BBS9: variants seen among roughly 807,000 people sequenced by gnomAD.
The protein encoded by BBS9 is protein PTHB1.
BBS9 carries 89 observed loss-of-function variants against 117.7 expected under a neutral mutation model. That is an observed-to-expected ratio of 0.76 (90% CI 0.64 to 0.90). The LOEUF is 0.90. Among genes scored for constraint, BBS9 ranks in the 40% least tolerant of loss-of-function variants. The probability of loss-of-function intolerance (pLI) is 0.00; values close to 1 mark genes in which losing one functional copy is unlikely to be tolerated. For missense variants in BBS9, 982 were observed against 1,042.2 expected (o/e 0.94, Z 0.80); for synonymous variants, 379 against 370.9 (o/e 1.02, Z -0.25).
downstream of BBS9, among the ~76,000 whole-genome samples, chr7:33,607,154 T>C (rs148374039): frequency 1.4e-3 from 217 of 152,268 alleles, 1 homozygote; most frequent in Middle Eastern, 0.01. Context: ...TTGGATTCTT[T>C]TCGCTGCTTG....
At chr7:33,295,080 T>C (rs904403404) in intron 9 of BBS9, among the ~76,000 whole-genome samples, 1 of 152,166 alleles carries the variant, frequency 6.6e-6, no homozygotes, top group African/African-American at 2.4e-5. Flanking sequence ...ATTTAAAATA[T>C]GGTTCTAGAC....
At chr7:33,130,699 A>G (rs924782078) in intron 1 of BBS9, among the ~76,000 whole-genome samples, 4 of 152,148 alleles carry the variant, frequency 2.6e-5, no homozygotes, top group African/African-American at 9.7e-5. Context: ...AAAGAAAACA[A>G]TTACTGAGAT....
intron 21 of BBS9, among the ~76,000 whole-genome samples, chr7:33,612,862 G>C (rs1408693431): frequency 2.0e-5 from 3 of 152,070 alleles, no homozygotes; most frequent in Admixed American, 6.6e-5. Flanking sequence ...CTAGGAATCA[G>C]ATGGCCTCAA....
chr7:33,242,964 T>C, intron 5 of BBS9: 1 of 518,856 alleles, frequency 1.9e-6, no homozygotes, highest in Non-Finnish European at 3.8e-6. Flanking sequence ...ATAAATCATT[T>C]GAACTTTCTT....
At chr7:33,437,800 C>T (rs1268748022) in intron 19 of BBS9, among the ~76,000 whole-genome samples, 4 of 152,056 alleles carry the variant, frequency 2.6e-5, no homozygotes, top group Admixed American at 6.5e-5. Context: ...TGCTTGAACC[C>T]GGGAGGCAGA....
intron 19 of BBS9, among the ~76,000 whole-genome samples, chr7:33,470,298 T>TTC (rs398111215): frequency 2.3e-4 from 35 of 151,802 alleles, no homozygotes; most frequent in African/African-American, 7.2e-4. Context: ...TCTTTTTTTT[T>TTC]CTCAGATAAA....
At chr7:33,338,630 A>G (rs959343279) in intron 10 of BBS9, among the ~76,000 whole-genome samples, 4 of 152,162 alleles carry the variant, frequency 2.6e-5, no homozygotes, top group African/African-American at 9.7e-5. Flanking sequence ...GTGTTTTTGA[A>G]GCTGATTTTA....
chr7:33,596,895 G>T (rs1312367361), intron 21 of BBS9, among the ~76,000 whole-genome samples: 2 of 151,872 alleles, frequency 1.3e-5, no homozygotes, highest in South Asian at 2.1e-4. Context: ...AGCCAGTATT[G>T]CTACACAAGC....
intron 9 of BBS9, among the ~76,000 whole-genome samples, chr7:33,303,509 T>G (rs1329846208): frequency 1.5e-5 from 2 of 132,668 alleles, no homozygotes; most frequent in African/African-American, 5.6e-5. Context: ...TAGTATCAAC[T>G]GAAATGATCC....
chr7:33,320,515 C>A (rs1048338099), intron 9 of BBS9, among the ~76,000 whole-genome samples: 5 of 152,130 alleles, frequency 3.3e-5, no homozygotes, highest in African/African-American at 7.2e-5. Flanking sequence ...AGGTTGCTTC[C>A]AAATCTTGGC....
intron 17 of BBS9, among the ~76,000 whole-genome samples, chr7:33,377,877 A>G (rs537442566): frequency 8.5e-5 from 13 of 152,156 alleles, no homozygotes; most frequent in African/African-American, 2.9e-4. Flanking sequence ...GATAGTTTAG[A>G]TCCCAGCTCT....
intron 5 of BBS9, among the ~76,000 whole-genome samples, chr7:33,249,251 A>ACACACG (rs761285224): frequency 6.4e-4 from 97 of 151,656 alleles, no homozygotes; most frequent in South Asian, 3.3e-3. Context: ...ACACACACAC[A>ACACACG]CGCGTACACT....
rs370625971 is a variant in BBS9, at chr7:33,384,715, T to TGTGTGTGA, written c.1962+878_1962+879insTGTGTGAG. Among the ~76,000 whole-genome samples the TGTGTGTGA allele has an allele frequency of 2.4e-4, 35 of 144,814 alleles. 1 individual carries two copies. Among genetic ancestry groups the TGTGTGTGA allele is most frequent in the African/African-American group, 8.3e-4 (33 of 39,892 alleles). On this transcript the variant is annotated intron_variant, in intron 18 of 22. Coordinates refer to ENST00000242067, the MANE Select transcript of BBS9 (RefSeq NM_198428.3). ...GCATGTGTCTGTGTGTGTGTGTGTG[T>TGTGTGTGA]GAGAGAGAGAGAGAGAGAGAGAGAG...
At chr7:33,387,702 T>C (rs972929910) in intron 18 of BBS9, among the ~76,000 whole-genome samples, 2 of 152,210 alleles carry the variant, frequency 1.3e-5, no homozygotes, top group Non-Finnish European at 2.9e-5. Flanking sequence ...GAGAAAAGAT[T>C]TCTATTTTTT....
At chr7:33,626,174 C>G (rs545620934) in intron 21 of BBS9, among the ~76,000 whole-genome samples, 1 of 152,126 alleles carries the variant, frequency 6.6e-6, no homozygotes, top group African/African-American at 2.4e-5. Flanking sequence ...AGCACTTCTC[C>G]CTTCTCTCTC....
At chr7:33,460,981 T>C (rs1839384456) in intron 19 of BBS9, among the ~76,000 whole-genome samples, 1 of 152,122 alleles carries the variant, frequency 6.6e-6, no homozygotes, top group South Asian at 2.1e-4. Flanking sequence ...ATTGGAATTA[T>C]ACAATATGTG....
intron 9 of BBS9, among the ~76,000 whole-genome samples, chr7:33,318,208 G>A (rs1049128089): frequency 4.6e-5 from 7 of 152,300 alleles, no homozygotes; most frequent in African/African-American, 1.7e-4. Context: ...TTAACCTTTT[G>A]TGATTCCTTG....
At chr7:33,438,075 A>T (rs1563176984) in intron 19 of BBS9, among the ~76,000 whole-genome samples, 1 of 152,248 alleles carries the variant, frequency 6.6e-6, no homozygotes, top group African/African-American at 2.4e-5. Flanking sequence ...GATAAGGGCC[A>T]TAATGAACAT....
At chr7:33,563,095 T>G (rs1483213843) in intron 21 of BBS9, among the ~76,000 whole-genome samples, 2 of 152,298 alleles carry the variant, frequency 1.3e-5, no homozygotes, top group South Asian at 4.1e-4. Context: ...GCCTACAGAT[T>G]GCAATGGGTC....
Sources: allele counts gnomAD v4.1 joint callset (sites outside exome capture counted in the v4.1 genomes callset), GRCh38; gene constraint gnomAD v4.1.1; transcripts MANE v1.5; gene names NCBI Gene and HGNC (gene_info 2026-07-23, HGNC 2026-07-21).